Variants in CTNNA1 observed in about 807,000 individuals in gnomAD.
The protein encoded by CTNNA1 is catenin alpha-1.
CTNNA1 carries 37 observed loss-of-function variants against 98.4 expected under a neutral mutation model. The observed-to-expected ratio is 0.38, with a 90% CI of 0.29 to 0.49. The LOEUF is 0.49. CTNNA1 is among the 20% of genes least tolerant of loss of function. The pLI, the probability that CTNNA1 is intolerant of heterozygous loss-of-function variation, is 0.95. For missense variants in CTNNA1, 761 were observed against 1,147.2 expected, an observed-to-expected ratio of 0.66 and a Z score of 4.86; for synonymous variants, 404 against 413.2, an observed-to-expected ratio of 0.98 and a Z score of 0.27.
At chr5:138,790,941 C>G (rs1756286977) in intron 3 of CTNNA1, 1 of 152,166 alleles carries the variant, frequency 6.6e-6, no homozygotes, top group Admixed American at 6.5e-5. Flanking sequence ...CTGTGAAAAC[C>G]TCTGGGTAAT....
intron 2 of CTNNA1, chr5:138,782,232 T>C (rs1755192229): frequency 7.8e-6 from 5 of 637,252 alleles, no homozygotes; most frequent in African/African-American, 7.3e-5. Flanking sequence ...TTCAGTCTTA[T>C]TGCTAGTAAC....
intron 2 of CTNNA1, 190 bp downstream of exon 2, chr5:138,782,219 T>C: frequency 1.6e-6 from 1 of 643,516 alleles, no homozygotes; most frequent in Non-Finnish European, 2.8e-6. Context: ...TGCTGTCGTT[T>C]TCTTCAGTCT....
chr5:138,757,204 GA>G (rs1473269867), intron 1 of CTNNA1, among the ~76,000 whole-genome samples: 1 of 150,688 alleles, frequency 6.6e-6, no homozygotes, highest in Non-Finnish European at 1.5e-5. Context: ...TCAAACAAAA[GA>G]AAAAAAGGGA....
intron 13 of CTNNA1, 54 bp from the exon 14 acceptor site, chr5:138,929,192 G>C: frequency 1.0e-6 from 1 of 959,272 alleles, no homozygotes; most frequent in Non-Finnish European, 1.7e-6. Context: ...CAGGGTGGCT[G>C]GGGGCTGGTG....
chr5:138,753,435 C>A lies in CTNNA1; in HGVS notation c.-78C>A, dbSNP rs946961373. The A allele has an allele frequency of 5.3e-5, 20 of 374,022 alleles. No individual in the cohort carries two copies. The highest frequency in any genetic ancestry group is 3.3e-5 in the Non-Finnish European group (7 of 210,258). 23.2% of individuals were successfully genotyped at this position (374,022 alleles called of 1,614,324 possible). A position where few individuals can be genotyped will look rare whatever the true frequency, so the allele number is the denominator to read the frequency against. On this transcript the variant is annotated 5_prime_UTR_variant, in exon 1 of 18. Transcript: ENST00000302763. Reference sequence around the variant, plus strand: ...GGGGCGGCCCATTTCCTCCTCCTAGCCGGACTGGAGGGAGACAAAGCAGCG... The same window carrying A: ...GGGGCGGCCCATTTCCTCCTCCTAGACGGACTGGAGGGAGACAAAGCAGCG...
chr5:138,792,823 T>G (rs1294229716), intron 3 of CTNNA1, among the ~76,000 whole-genome samples: 1 of 152,238 alleles, frequency 6.6e-6, no homozygotes, highest in Non-Finnish European at 1.5e-5. Flanking sequence ...TGAAAAAGAT[T>G]AAAGTTAAGT....
rs150044741 is a variant in CTNNA1 at position 138,780,276 on chromosome 5, G to A, written c.-2-1647G>A. 4.8e-3 allele frequency among the ~76,000 whole-genome samples: 732 copies of A among 151,722 alleles called. 3 individuals are homozygous for A. Among genetic ancestry groups the A allele is most frequent in the African/African-American group, 0.015 (611 of 41,494 alleles). On this transcript the variant is annotated intron_variant, in intron 1 of 17. Transcript: ENST00000302763. ...CGCTATCTCTGCTACTGCAAGCTCC[G>A]TCTCTGGGGTTCACGCCATTTTCCT...
chr5:138,803,593 A>G (rs773630639), intron 3 of CTNNA1, among the ~76,000 whole-genome samples: 40 of 152,160 alleles, frequency 2.6e-4, no homozygotes, highest in Non-Finnish European at 4.0e-4. Flanking sequence ...TTGGCCTTCC[A>G]TAATCTTTTT....
intron 10 of CTNNA1, among the ~76,000 whole-genome samples, chr5:138,912,945 A>G (rs1267292899): frequency 1.3e-5 from 2 of 152,136 alleles, no homozygotes; most frequent in Non-Finnish European, 2.9e-5. Context: ...ACATAATTGA[A>G]TTTATAGGTT....
chr5:138,756,117 C>T (rs1408315468), intron 1 of CTNNA1, among the ~76,000 whole-genome samples: 1 of 151,910 alleles, frequency 6.6e-6, no homozygotes, highest in East Asian at 1.9e-4. Flanking sequence ...CGGCTCACTG[C>T]AACCCGTGCC....
chr5:138,762,841 T>C (rs1368653723), intron 1 of CTNNA1, among the ~76,000 whole-genome samples: 2 of 152,306 alleles, frequency 1.3e-5, no homozygotes, highest in East Asian at 1.9e-4. Context: ...GGAACTATAT[T>C]GTGGAAGCTA....
intron 11 of CTNNA1, among the ~76,000 whole-genome samples, chr5:138,922,213 T>C (rs1763060211): frequency 6.6e-6 from 1 of 152,196 alleles, no homozygotes; most frequent in Non-Finnish European, 1.5e-5. Flanking sequence ...ATATGCTTTT[T>C]AACTCGTGAT....
intron 5 of CTNNA1, among the ~76,000 whole-genome samples, chr5:138,816,627 G>A (rs1759456507): frequency 6.6e-6 from 1 of 151,986 alleles, no homozygotes; most frequent in Non-Finnish European, 1.5e-5. Flanking sequence ...CTGATGATTA[G>A]TGATGTTGAG....
At chr5:138,921,408 C>T (rs1762889054) in intron 11 of CTNNA1, among the ~76,000 whole-genome samples, 1 of 152,112 alleles carries the variant, frequency 6.6e-6, no homozygotes, top group Admixed American at 6.5e-5. Flanking sequence ...TTTGGAGCAA[C>T]ACTTGGAGTG....
At chr5:138,760,477 G>T (rs1752233055) in intron 1 of CTNNA1, among the ~76,000 whole-genome samples, 2 of 151,152 alleles carry the variant, frequency 1.3e-5, no homozygotes, top group South Asian at 2.1e-4. Context: ...CGATTCTCCT[G>T]CCTCAGCCTC....
rs1043017435 is a variant in CTNNA1, at chr5:138,865,278, A to G, written c.1063-20934A>G. On this transcript the variant is annotated intron_variant, in intron 7 of 17. Transcript: ENST00000302763. ...CTGAAAGTGCTTGGTTCATTCTTGC[A>G]GAACTTCTAGGCTCCACCCACCCTT... Among the ~76,000 whole-genome samples, 6 of 152,188 alleles carry G rather than the reference A, an allele frequency of 3.9e-5. 1 individual carries two copies. The highest frequency in any genetic ancestry group is 3.8e-4 in the East Asian group (2 of 5,196).
chr5:138,816,351 T>C (rs1759433413), intron 5 of CTNNA1, among the ~76,000 whole-genome samples: 1 of 152,226 alleles, frequency 6.6e-6, no homozygotes, highest in South Asian at 2.1e-4. Flanking sequence ...GGAATGCATG[T>C]CTCTCTTTGA....
At position 138,874,004 on chromosome 5, in the gene CTNNA1, A is replaced by G. The variant is rs753183277; in HGVS notation, c.1063-12208A>G. The G allele has an allele frequency of 6.2e-7, 1 of 1,614,044 alleles. No individual in the cohort carries two copies. Among genetic ancestry groups the G allele is most frequent in the South Asian group, 1.1e-5 (1 of 91,086 alleles). On this transcript the variant is annotated intron_variant, in intron 7 of 17. Transcript: ENST00000302763. The surrounding 1 kb of genome is among the most constrained non-coding windows in gnomAD (Gnocchi z 4.1). ...TCGCAAACGATTTGTGCTCAAATCC[A>G]GAAACTCCAGACTACGACAGTCCCA...
chr5:138,908,841 C>T (rs997688963), intron 10 of CTNNA1, among the ~76,000 whole-genome samples: 1 of 151,990 alleles, frequency 6.6e-6, no homozygotes, highest in South Asian at 2.1e-4. Flanking sequence ...TCACTCTTTT[C>T]TCTGGAAAGG....
Sources: allele counts gnomAD v4.1 joint callset (sites outside exome capture counted in the v4.1 genomes callset), GRCh38; gene constraint gnomAD v4.1.1; non-coding constraint Gnocchi (gnomAD v3.1); transcripts MANE v1.5; gene names NCBI Gene and HGNC (gene_info 2026-07-23, HGNC 2026-07-21).